PRSS23: variants seen among roughly 807,000 people sequenced by gnomAD.
PRSS23 encodes protease, serine 23.
Under a neutral mutation model 34.7 loss-of-function variants are expected in PRSS23, and 25 were observed. That is an observed-to-expected ratio of 0.72 (90% CI 0.53 to 1.01). The LOEUF is 1.01. Ranked by LOEUF, PRSS23 falls within the 50% of genes least tolerant of loss-of-function variation. PRSS23 has a pLI of 0.00. For synonymous variants in PRSS23, 176 were observed against 186.6 expected, an observed-to-expected ratio of 0.94 and a Z score of 0.46; for missense variants, 445 against 475.6, an observed-to-expected ratio of 0.94 and a Z score of 0.60.
chr11:86,825,832 T>C (rs1948295975), intron 2 of PRSS23, among the ~76,000 whole-genome samples: 2 of 150,492 alleles, frequency 1.3e-5, no homozygotes, highest in East Asian at 1.9e-4. Context: ...TCTGTTCCAT[T>C]GATCTATATC....
chr11:86,949,903 G>A (rs1481482850), intron 2 of PRSS23: 2 of 152,536 alleles, frequency 1.3e-5, no homozygotes, highest in Non-Finnish European at 2.9e-5. Context: ...CCAAGTAGTT[G>A]GATTAGCTGT....
At chr11:86,858,981 A>G (rs1948593030) in intron 2 of PRSS23, among the ~76,000 whole-genome samples, 1 of 151,368 alleles carries the variant, frequency 6.6e-6, no homozygotes, top group Admixed American at 6.6e-5. Flanking sequence ...CCTAATATCC[A>G]AGGAGGGAGA....
chr11:86,903,481 C>CTTTT (rs10688682), intron 2 of PRSS23, among the ~76,000 whole-genome samples: 23 of 124,930 alleles, frequency 1.8e-4, no homozygotes, highest in Non-Finnish European at 2.4e-4. Flanking sequence ...AACATACAAT[C>CTTTT]TTTTTTTTTT....
At position 86,810,196 on chromosome 11, in the gene PRSS23, G is replaced by A. The variant is rs574299711; in HGVS notation, c.*1401G>A. ...TGTATGTTTTTATTTTATGGCTCTC[G>A]GCCTAAGCACTTCTTTCTAAATGTA... On this transcript the variant is annotated 3_prime_UTR_variant, in exon 2 of 2. Transcript: ENST00000280258. 3.0e-5 allele frequency: 5 copies of A among 166,654 alleles called. No homozygotes were observed. Among genetic ancestry groups the A allele is most frequent in the Non-Finnish European group, 7.3e-5 (5 of 68,108 alleles). The allele number at this position is 166,654 out of a possible 1,614,324, so 10.3% of individuals were successfully genotyped here.
At chr11:86,811,790 A>G (rs1948180388), downstream of PRSS23, among the ~76,000 whole-genome samples, 1 of 152,102 alleles carries the variant, frequency 6.6e-6, no homozygotes, top group South Asian at 2.1e-4. Flanking sequence ...GGAGGTCTTT[A>G]ATGCAGAACT....
chr11:86,950,922 T>C, intron 2 of PRSS23: 1 of 611,652 alleles, frequency 1.6e-6, no homozygotes. Flanking sequence ...TGAAAGCCTC[T>C]AACTGGCTTT....
intron 1 of PRSS23, among the ~76,000 whole-genome samples, chr11:86,816,983 T>C (rs561771857): frequency 2.6e-5 from 4 of 152,240 alleles, no homozygotes; most frequent in Non-Finnish European, 2.9e-5. Context: ...TAATTATTTA[T>C]AAGACCCACT....
At chr11:86,946,849 A>G (rs1006619241) in intron 2 of PRSS23, 2 of 152,280 alleles carry the variant, frequency 1.3e-5, no homozygotes, top group Non-Finnish European at 2.9e-5. Context: ...ATTGACTGGA[A>G]TAGCAACTCT....
chr11:86,822,065 G>T (rs1590878385), intron 1 of PRSS23, among the ~76,000 whole-genome samples: 1 of 152,142 alleles, frequency 6.6e-6, no homozygotes, highest in South Asian at 2.1e-4. Context: ...GATAACTAGA[G>T]ATAATGAATA....
intron 2 of PRSS23, among the ~76,000 whole-genome samples, chr11:86,846,683 C>G (rs964126174): frequency 4.6e-5 from 7 of 152,226 alleles, no homozygotes; most frequent in Non-Finnish European, 1.5e-5. Flanking sequence ...ACCAGTTAGA[C>G]TTCTTTCCTC....
Position 86,809,074 on chromosome 11 carries a change from T to C in PRSS23, c.*279T>C. ...CTGATTTGGGGCAATGAGGAATATTTGACAATTAAGTTAATCTTCACGTTT... is the reference window on the plus strand; with the variant it reads ...CTGATTTGGGGCAATGAGGAATATTCGACAATTAAGTTAATCTTCACGTTT... On this transcript the variant is annotated 3_prime_UTR_variant, in exon 2 of 2. Transcript: ENST00000280258. The C allele has an allele frequency of 3.0e-6, 1 of 328,556 alleles. No homozygotes were observed. Among genetic ancestry groups the C allele is most frequent in the Non-Finnish European group, 5.8e-6 (1 of 172,178 alleles). 20.4% of individuals were successfully genotyped at this position (328,556 alleles called of 1,614,324 possible). A position where few individuals can be genotyped will look rare whatever the true frequency, so the allele number is the denominator to read the frequency against.
rs777292183 is a variant in PRSS23 at position 86,807,827 on chromosome 11, T to A, written c.184T>A (p.Ser62Thr). 6.2e-7 allele frequency: 1 copy of A among 1,614,126 alleles called. No individual in the cohort carries two copies. Among genetic ancestry groups the A allele is most frequent in the Non-Finnish European group, 8.5e-7 (1 of 1,180,010 alleles). Residue 62 changes from serine (S) to threonine (T), a missense_variant, in exon 2 of 2, where the codon TCT becomes ACT. Transcript: ENST00000280258. The part of the protein sequence containing the change: ...DFGAEAKLEV[S>T]SSCGPQCHKG... The stretch of plus-strand genomic sequence containing the variant: ...TGGAGCCGAAGCCAAATTAGAAGTA[T>A]CTTCTTCATGTGGACCCCAGTGTCA...
At chr11:86,847,336 T>C (rs1206420822) in intron 2 of PRSS23, among the ~76,000 whole-genome samples, 1 of 152,210 alleles carries the variant, frequency 6.6e-6, no homozygotes, top group Non-Finnish European at 1.5e-5. Context: ...CTTGCCACCC[T>C]GGAACAGGTT....
At chr11:86,891,052 T>C (rs1420448509) in intron 2 of PRSS23, among the ~76,000 whole-genome samples, 1 of 152,128 alleles carries the variant, frequency 6.6e-6, no homozygotes, top group Non-Finnish European at 1.5e-5. Flanking sequence ...CAGGGCTTGG[T>C]CTAAAACACC....
At chr11:86,911,118 T>C (rs1335037342) in intron 2 of PRSS23, 1 of 152,084 alleles carries the variant, frequency 6.6e-6, no homozygotes, top group Non-Finnish European at 1.5e-5. Flanking sequence ...TGTCATCACG[T>C]CCTCAGTACC....
chr11:86,836,172 G>A (rs1211063721), intron 2 of PRSS23, among the ~76,000 whole-genome samples: 2 of 152,144 alleles, frequency 1.3e-5, no homozygotes, highest in African/African-American at 2.4e-5. Context: ...GGGCCTCATT[G>A]ATAATCCTGA....
At chr11:86,946,235 A>G (rs1026356311) in intron 2 of PRSS23, 1 of 152,128 alleles carries the variant, frequency 6.6e-6, no homozygotes, top group African/African-American at 2.4e-5. Context: ...AACTTTCACA[A>G]CCTCGGAGAG....
intron 2 of PRSS23, among the ~76,000 whole-genome samples, chr11:86,859,120 A>AG (rs1948594193): frequency 6.6e-6 from 1 of 151,876 alleles, no homozygotes; most frequent in South Asian, 2.1e-4. Context: ...CCTAATATCC[A>AG]AGGGGGAAGA....
chr11:86,832,447 A>G (rs1948365939), intron 2 of PRSS23: 2 of 194,672 alleles, frequency 1.0e-5, no homozygotes, highest in African/African-American at 4.7e-5. Flanking sequence ...TCACCCTGTG[A>G]TATTATTCGT....
Sources: gnomAD v4.1 joint callset for allele counts (sites outside exome capture counted in the v4.1 genomes callset) on GRCh38, gnomAD v4.1.1 for gene constraint, MANE v1.5 for transcripts, NCBI Gene and HGNC (gene_info 2026-07-23, HGNC 2026-07-21) for gene names.